The following SAMSN1 variants were observed in gnomAD, a reference collection of about 807,000 sequenced individuals.
SAMSN1 encodes the protein SAM domain, SH3 domain and nuclear localization signals 1.
A neutral mutation model predicts 42.0 loss-of-function variants in SAMSN1; 31 were observed. The ratio of observed to expected loss-of-function variants is 0.74; its 90% confidence interval spans 0.55 to 1.00. The LOEUF (loss-of-function observed/expected upper bound fraction) is 1.00, where lower values mean the gene tolerates loss of function less well. Ranked by LOEUF, SAMSN1 falls within the 50% of genes least tolerant of loss-of-function variation. SAMSN1 has a pLI of 0.00. For synonymous variants in SAMSN1, 178 were observed against 151.9 expected (o/e 1.17, Z -1.26); for missense variants, 464 against 439.4 (o/e 1.06, Z -0.50).
chr21:14,627,398 C>T (rs1046706991), intron 2 of SAMSN1, among the ~76,000 whole-genome samples: 2 of 152,116 alleles, frequency 1.3e-5, no homozygotes, highest in Admixed American at 6.6e-5. Context: ...AATTTTTCAC[C>T]AAATTTTACT....
At chr21:14,578,276 C>G (rs1304556013) in intron 2 of SAMSN1, among the ~76,000 whole-genome samples, 1 of 152,096 alleles carries the variant, frequency 6.6e-6, no homozygotes, top group Non-Finnish European at 1.5e-5. Context: ...AAGGAGTTTA[C>G]TCAAGCACAC....
Position 14,562,344 on chromosome 21 carries a change from A to G in SAMSN1, c.261+19792T>C, listed in dbSNP as rs140937666. On this transcript the variant is annotated intron_variant, in intron 2 of 8. Coordinates refer to the SAMSN1 transcript ENST00000285670. ...CCTGTCTATGAAACAGACAAACAGA[A>G]TGCAGAAAAGATCACCCCTCTTCTC... Among the ~76,000 whole-genome samples the G allele has an allele frequency of 6.6e-3, 999 of 152,282 alleles. 8 individuals are homozygous for G. Among genetic ancestry groups the G allele is most frequent in the Middle Eastern group, 0.017 (5 of 294 alleles).
intron 1 of SAMSN1, among the ~76,000 whole-genome samples, chr21:14,647,361 C>T (rs1025524991): frequency 8.9e-4 from 133 of 149,544 alleles, no homozygotes; most frequent in Non-Finnish European, 1.6e-3. Context: ...GTTTTGGTAC[C>T]AGTACCATGC....
intron 1 of SAMSN1, among the ~76,000 whole-genome samples, chr21:14,545,460 C>CTTTGTAAATAGTTGT (rs1212931239): frequency 6.6e-6 from 1 of 151,922 alleles, no homozygotes; most frequent in East Asian, 1.9e-4. Flanking sequence ...GACATTGGTA[C>CTTTGTAAATAGTTGT]TTTGTAAATA....
upstream of SAMSN1, chr21:14,658,849 C>G (rs1310058838): frequency 1.4e-6 from 1 of 710,934 alleles, no homozygotes; most frequent in South Asian, 1.5e-5. Context: ...GCCTTCACAG[C>G]TGTTTGGCCA....
intron 2 of SAMSN1, among the ~76,000 whole-genome samples, chr21:14,617,828 A>G (rs992131506): frequency 2.6e-5 from 4 of 152,266 alleles, no homozygotes; most frequent in Non-Finnish European, 5.9e-5. Context: ...GATGGCTCAC[A>G]AAATTTATAT....
intron 2 of SAMSN1, among the ~76,000 whole-genome samples, chr21:14,626,719 C>A (rs536971444): frequency 2.0e-5 from 3 of 152,158 alleles, no homozygotes; most frequent in Admixed American, 2.0e-4. Flanking sequence ...GACAGTGTGG[C>A]GATTCCTCAG....
intron 1 of SAMSN1, among the ~76,000 whole-genome samples, chr21:14,647,627 G>A (rs1324107848): frequency 2.2e-5 from 3 of 136,176 alleles, no homozygotes; most frequent in African/African-American, 5.3e-5. Flanking sequence ...AGCATGGAAT[G>A]TTCTTCCATT....
Position 14,512,479 on chromosome 21 carries a change from G to T in SAMSN1, c.374C>A (p.Ser125Tyr), listed in dbSNP as rs1987729873. The change falls in exon 4 of 8, where the codon TCC (serine) becomes TAC (tyrosine). Residue 125 changes from serine to tyrosine, a missense_variant. Transcript: ENST00000400566. ...TEKVSLKASD[S>Y]MDSLYSGQSS... The stretch of plus-strand genomic sequence containing the variant: ...CTGTCCACTGTAGAGACTATCCATG[G>T]AGTCACTGGCTTTGAGGGACACCTT... The T allele has an allele frequency of 3.7e-6, 6 of 1,613,820 alleles. No individual in the cohort carries two copies. The highest frequency in any genetic ancestry group is 5.1e-6 in the Non-Finnish European group (6 of 1,179,896).
intron 2 of SAMSN1, among the ~76,000 whole-genome samples, chr21:14,635,883 C>T (rs1406200245): frequency 6.6e-6 from 1 of 151,966 alleles, no homozygotes; most frequent in Non-Finnish European, 1.5e-5. Context: ...ACGTTGTATA[C>T]ATGTGCCATG....
At chr21:14,581,580 C>G (rs888732900) in intron 2 of SAMSN1, among the ~76,000 whole-genome samples, 1 of 151,028 alleles carries the variant, frequency 6.6e-6, no homozygotes, top group Non-Finnish European at 1.5e-5. Context: ...AGGATGGTCT[C>G]GATCTCCTGA....
exon 1 of SAMSN1, chr21:14,583,327 T>C (rs2822792): frequency 0.75 from 163,099 of 217,554 alleles, 62,302 homozygotes; most frequent in Non-Finnish European, 0.81. Flanking sequence ...TACCAATTTG[T>C]TATGCTTACA....
At chr21:14,573,898 T>C (rs1163973212) in intron 2 of SAMSN1, among the ~76,000 whole-genome samples, 3 of 152,214 alleles carry the variant, frequency 2.0e-5, no homozygotes, top group Non-Finnish European at 4.4e-5. Context: ...ACACAGCTTC[T>C]AACACACCAT....
exon 6 of SAMSN1, chr21:14,602,085 C>A (rs1054139095): frequency 2.9e-6 from 2 of 684,026 alleles, no homozygotes; most frequent in South Asian, 1.6e-5. Context: ...CTTAGAAAAT[C>A]ATCTTCATTT....
At chr21:14,561,331 C>T (rs1041311514) in intron 2 of SAMSN1, among the ~76,000 whole-genome samples, 1 of 152,084 alleles carries the variant, frequency 6.6e-6, no homozygotes, top group African/African-American at 2.4e-5. Flanking sequence ...CTTTGGGGAG[C>T]CTGATTAGAG....
intron 1 of SAMSN1, among the ~76,000 whole-genome samples, chr21:14,530,517 A>G (rs1979202071): frequency 6.6e-6 from 1 of 152,174 alleles, no homozygotes; most frequent in Non-Finnish European, 1.5e-5. Context: ...TCTAGTAAAC[A>G]TAATCATTTA....
At chr21:14,654,657 TAAC>T (rs1223493605) in intron 1 of SAMSN1, among the ~76,000 whole-genome samples, 1 of 151,934 alleles carries the variant, frequency 6.6e-6, no homozygotes, top group African/African-American at 2.4e-5. Context: ...AAGCAAAATT[TAAC>T]AACACGGCCA....
chr21:14,622,336 G>A (rs896186957), intron 2 of SAMSN1, among the ~76,000 whole-genome samples: 1 of 152,236 alleles, frequency 6.6e-6, no homozygotes, highest in South Asian at 2.1e-4. Flanking sequence ...GCTAAAGGAA[G>A]AAGTTTGAAC....
chr21:14,630,324 T>C (rs1983297227), intron 2 of SAMSN1, among the ~76,000 whole-genome samples: 3 of 152,116 alleles, frequency 2.0e-5, no homozygotes, highest in African/African-American at 4.8e-5. Context: ...CCAATGTCAG[T>C]AGTGATGACA....
Sources: gnomAD v4.1 joint callset for allele counts (sites outside exome capture counted in the v4.1 genomes callset) on GRCh38, gnomAD v4.1.1 for gene constraint, MANE v1.5 for transcripts, NCBI Gene and HGNC (gene_info 2026-07-23, HGNC 2026-07-21) for gene names.